The following KCNMA1 variants were observed in gnomAD, a reference collection of about 807,000 sequenced individuals.
The protein encoded by KCNMA1 is potassium calcium-activated channel subfamily M alpha 1, also known as Calcium-activated potassium channel subunit alpha-1.
In KCNMA1, 29 loss-of-function variants were observed where a neutral mutation model predicts 140.0. The observed-to-expected ratio is 0.21, with a 90% CI of 0.15 to 0.28. The LOEUF is 0.28. Among genes scored for constraint, KCNMA1 ranks in the 10% least tolerant of loss-of-function variants. The probability of loss-of-function intolerance (pLI) is 1.00; values close to 1 mark genes in which losing one functional copy is unlikely to be tolerated. For synonymous variants in KCNMA1, 612 were observed against 611.9 expected (o/e 1.00, Z 0.00); for missense variants, 880 against 1,602.2 (o/e 0.55, Z 7.70).
chr10:77,237,001 T>C (rs568626971), intron 3 of KCNMA1, among the ~76,000 whole-genome samples: 1 of 152,338 alleles, frequency 6.6e-6, no homozygotes, highest in Non-Finnish European at 1.5e-5. Flanking sequence ...TGAGTTGAGA[T>C]TGCAGTTTTC....
intron 1 of KCNMA1, among the ~76,000 whole-genome samples, chr10:77,560,541 T>A (rs755422300): frequency 1.4e-4 from 21 of 152,210 alleles, no homozygotes; most frequent in Non-Finnish European, 2.5e-4. Flanking sequence ...TCTCAGTCCA[T>A]GCAGCCTGCG....
chr10:77,349,128 T>C (rs2092568233), intron 2 of KCNMA1, among the ~76,000 whole-genome samples: 1 of 152,222 alleles, frequency 6.6e-6, no homozygotes, highest in South Asian at 2.1e-4. Flanking sequence ...CGTTGAAACC[T>C]CATCACCAAT....
At chr10:76,990,035 C>A (rs959720668) in intron 19 of KCNMA1, among the ~76,000 whole-genome samples, 1 of 152,134 alleles carries the variant, frequency 6.6e-6, no homozygotes, top group African/African-American at 2.4e-5. Flanking sequence ...TCACTGAATT[C>A]GTGCAACCAC....
At chr10:77,020,940 A>G (rs1593862265) in intron 16 of KCNMA1, 1 of 152,178 alleles carries the variant, frequency 6.6e-6, no homozygotes, top group Non-Finnish European at 1.5e-5. Flanking sequence ...TAATGGTAAC[A>G]ATAATCTTTA....
intron 1 of KCNMA1, among the ~76,000 whole-genome samples, chr10:77,595,191 C>A (rs1567763452): frequency 6.6e-6 from 1 of 151,860 alleles, no homozygotes; most frequent in African/African-American, 2.4e-5. Context: ...ACTAAAAAAT[C>A]CAAAAATTAG....
intron 5 of KCNMA1, among the ~76,000 whole-genome samples, chr10:77,136,762 A>AT (rs1564754448): frequency 2.6e-5 from 4 of 152,258 alleles, no homozygotes; most frequent in Admixed American, 2.6e-4. Context: ...GAGTTTTTTA[A>AT]TTTTTTTGTA....
Position 77,086,786 on chromosome 10 carries a change from C to G in KCNMA1, c.1335-193G>C, listed in dbSNP as rs1206951142. On this transcript the variant is annotated intron_variant, in intron 10 of 27. Coordinates refer to ENST00000286628, the MANE Select transcript of KCNMA1 (RefSeq NM_001161352.2). The stretch of plus-strand genomic sequence containing the variant: ...ACCCCAGCCCAACTGAAAACCAAAC[C>G]AGTACCATGGTAAAAGAAAGAGGTT... Among the ~76,000 whole-genome samples the G allele has an allele frequency of 2.0e-5, 3 of 152,140 alleles. No individual in the cohort carries two copies. In the South Asian group the frequency reaches 6.2e-4, roughly 32 times the overall value.
chr10:77,275,097 C>T (rs1421203494), intron 2 of KCNMA1, among the ~76,000 whole-genome samples: 1 of 152,180 alleles, frequency 6.6e-6, no homozygotes, highest in Non-Finnish European at 1.5e-5. Context: ...TTTTCAGAGT[C>T]TCCTTCATGG....
chr10:77,512,270 T>C (rs965269474), intron 1 of KCNMA1, among the ~76,000 whole-genome samples: 3 of 152,188 alleles, frequency 2.0e-5, no homozygotes, highest in Non-Finnish European at 4.4e-5. Flanking sequence ...TTTCCCTAAT[T>C]AGGACTCCAC....
intron 11 of KCNMA1, among the ~76,000 whole-genome samples, chr10:77,085,461 T>C (rs2096669910): frequency 1.3e-5 from 2 of 152,198 alleles, no homozygotes; most frequent in Admixed American, 1.3e-4. Context: ...CAATTGTCCC[T>C]ACGTTCTCAT....
intron 2 of KCNMA1, among the ~76,000 whole-genome samples, chr10:77,255,912 CA>C (rs35233819): frequency 0.58 from 68,370 of 117,128 alleles, 19,599 homozygotes; most frequent in East Asian, 0.9. Flanking sequence ...GACTCCATCT[CA>C]AAAAAAAAAA....
intron 27 of KCNMA1, 139 bp downstream of exon 27, chr10:76,889,312 A>G: frequency 1.5e-6 from 1 of 679,828 alleles, no homozygotes; most frequent in South Asian, 1.8e-5. Flanking sequence ...CTCCAAACTC[A>G]GTGTTGGATT....
At chr10:76,883,990 C>T (rs2035744127), downstream of KCNMA1, 12 of 983,284 alleles carry the variant, frequency 1.2e-5, no homozygotes, top group Admixed American at 1.2e-4. Context: ...CAATTATCTA[C>T]CACTGGGGCA....
intron 1 of KCNMA1, 200 bp downstream of exon 1, chr10:77,637,065 G>T (rs2093827100): frequency 7.3e-7 from 1 of 1,368,784 alleles, no homozygotes; most frequent in Middle Eastern, 2.7e-4. Context: ...CTGGCTGGGG[G>T]CAACTCCTCA....
chr10:77,074,273 G>A (rs758703041), intron 13 of KCNMA1, among the ~76,000 whole-genome samples: 3 of 152,184 alleles, frequency 2.0e-5, no homozygotes, highest in Non-Finnish European at 4.4e-5. Context: ...TACAGAGAAA[G>A]CCAGTGTTTA....
intron 1 of KCNMA1, among the ~76,000 whole-genome samples, chr10:77,497,608 A>G (rs768542803): frequency 4.6e-5 from 7 of 152,214 alleles, no homozygotes; most frequent in Non-Finnish European, 8.8e-5. Context: ...AACCTATATT[A>G]TAAAACCTCT....
At chr10:77,054,074 A>G (rs761433636) in intron 14 of KCNMA1, among the ~76,000 whole-genome samples, 1 of 152,188 alleles carries the variant, frequency 6.6e-6, no homozygotes, top group Non-Finnish European at 1.5e-5. Flanking sequence ...ATTTTGGATA[A>G]TATAGTGGTC....
chr10:76,950,597 T>A (rs2065878432), intron 21 of KCNMA1, among the ~76,000 whole-genome samples: 5 of 152,234 alleles, frequency 3.3e-5, no homozygotes, highest in Admixed American at 2.6e-4. Flanking sequence ...TGGCCCCATG[T>A]GGCTTACAAT....
intron 1 of KCNMA1, chr10:77,636,637 T>A: frequency 2.8e-5 from 43 of 1,535,936 alleles, no homozygotes; most frequent in Non-Finnish European, 3.7e-5. Context: ...GGCAGCCCCG[T>A]GGGCTACCCC....
Sources: gnomAD v4.1 joint callset for allele counts (sites outside exome capture counted in the v4.1 genomes callset) on GRCh38, gnomAD v4.1.1 for gene constraint, MANE v1.5 for transcripts, NCBI Gene and HGNC (gene_info 2026-07-23, HGNC 2026-07-21) for gene names.